AOX1: variants seen among roughly 807,000 people sequenced by gnomAD.
AOX1 encodes aldehyde oxidase.
AOX1 carries 153 observed loss-of-function variants against 169.5 expected under a neutral mutation model. The ratio of observed to expected loss-of-function variants is 0.90; its 90% CI spans 0.79 to 1.03. The LOEUF (loss-of-function observed/expected upper bound fraction) is 1.03. Among genes scored for constraint, AOX1 ranks in the 50% least tolerant of loss-of-function variants. The pLI is 0.00. For synonymous variants in AOX1, 562 were observed against 581.9 expected, an observed-to-expected ratio of 0.97 and a Z score of 0.49; for missense variants, 1,656 against 1,663.9, an observed-to-expected ratio of 1.00 and a Z score of 0.08.
At chr2:200,616,828 T>C (rs926268371) in intron 16 of AOX1, among the ~76,000 whole-genome samples, 4 of 152,250 alleles carry the variant, frequency 2.6e-5, no homozygotes, top group Non-Finnish European at 5.9e-5. Flanking sequence ...AAAGCATTTG[T>C]TCACTGAAAC....
At chr2:200,630,262 C>CCTGTA (rs989806981) in intron 20 of AOX1, among the ~76,000 whole-genome samples, 1 of 148,582 alleles carries the variant, frequency 6.7e-6, no homozygotes, top group African/African-American at 2.5e-5. Flanking sequence ...GTGGCTCTTG[C>CCTGTA]CTGTAATCCC....
chr2:200,620,928 C>A, intron 17 of AOX1, 109 bp downstream of exon 17: 1 of 1,326,216 alleles, frequency 7.5e-7, no homozygotes, highest in Non-Finnish European at 1.0e-6. Context: ...TGGTGATATC[C>A]AATGCAGACC....
intron 25 of AOX1, among the ~76,000 whole-genome samples, chr2:200,648,305 CT>C (rs1476408274): frequency 1.6e-4 from 25 of 152,230 alleles, no homozygotes; most frequent in African/African-American, 5.8e-4. Context: ...TACTCTCCCC[CT>C]TTCCCTATGG....
intron 27 of AOX1, among the ~76,000 whole-genome samples, chr2:200,657,165 A>AAAAT (rs1179205121): frequency 1.1e-5 from 1 of 88,408 alleles, no homozygotes; most frequent in Non-Finnish European, 2.0e-5. Flanking sequence ...CTCTACCAAA[A>AAAAT]ATATATATAT....
chr2:200,614,504 A>G (rs2105713674), intron 15 of AOX1, among the ~76,000 whole-genome samples: 1 of 152,322 alleles, frequency 6.6e-6, no homozygotes, highest in Non-Finnish European at 1.5e-5. Context: ...GTGACAATCC[A>G]TGCATTCTTT....
chr2:200,636,943 T>C lies in AOX1; in HGVS notation c.2379T>C (p.Ala793=). ...DIVASTLKLP[A]NKVMCHVRRV... ...TTGCCTCAACCTTGAAGCTCCCAGC[T>C]AACAAGGTCATGTGCCATGTAAGGC... The change falls in exon 22 of 35, where the codon GCT becomes GCC. Residue 793 remains alanine (A), a synonymous_variant. Coordinates refer to ENST00000374700, the MANE Select transcript of AOX1 (RefSeq NM_001159.4). The C allele has an allele frequency of 6.2e-7, 1 of 1,614,126 alleles. No homozygotes were observed. The highest frequency in any genetic ancestry group is 2.2e-5 in the East Asian group (1 of 44,868).
At chr2:200,623,819 A>G (rs762713477) in intron 18 of AOX1, 42 bp from the exon 19 acceptor site, 2 of 1,611,850 alleles carry the variant, frequency 1.2e-6, no homozygotes, top group Middle Eastern at 2.1e-4. Flanking sequence ...AGAGGACCTG[A>G]TGCCTGCCCT....
At chr2:200,593,354 C>G in intron 2 of AOX1, 151 bp downstream of exon 2, 2 of 685,710 alleles carry the variant, frequency 2.9e-6, no homozygotes, top group Non-Finnish European at 2.4e-6. Flanking sequence ...AAAGTCCTAT[C>G]ATTTTATAGG....
chr2:200,654,709 A>G (rs1483134541), intron 26 of AOX1, among the ~76,000 whole-genome samples: 1 of 152,220 alleles, frequency 6.6e-6, no homozygotes, highest in South Asian at 2.1e-4. Context: ...CTTCTCATCG[A>G]TACCAGTAGT....
chr2:200,602,258 A>G (rs1325620458), intron 5 of AOX1, 26 bp from the exon 6 acceptor site: 3 of 1,611,592 alleles, frequency 1.9e-6, no homozygotes, highest in Non-Finnish European at 2.5e-6. Context: ...TCACTTGGCT[A>G]ACAGAGCTGG....
chr2:200,659,026 T>C, intron 27 of AOX1, 139 bp from the exon 28 acceptor site: 1 of 700,488 alleles, frequency 1.4e-6, no homozygotes, highest in Non-Finnish European at 2.2e-6. Flanking sequence ...AAACTTTTCA[T>C]GGCTGGAGGA....
chr2:200,648,637 G>A (rs1408654722), intron 25 of AOX1, among the ~76,000 whole-genome samples: 1 of 152,128 alleles, frequency 6.6e-6, no homozygotes, highest in Non-Finnish European at 1.5e-5. Flanking sequence ...CGGTGGGCAG[G>A]GCCCTAGAAC....
intron 28 of AOX1, 39 bp downstream of exon 28, chr2:200,659,332 C>A: frequency 6.3e-7 from 1 of 1,595,692 alleles, no homozygotes; most frequent in Non-Finnish European, 8.5e-7. Flanking sequence ...CATTAACTCC[C>A]TCAGGGCCAA....
At chr2:200,645,317 T>C (rs2035429864) in intron 25 of AOX1, among the ~76,000 whole-genome samples, 1 of 152,178 alleles carries the variant, frequency 6.6e-6, no homozygotes, top group Non-Finnish European at 1.5e-5. Flanking sequence ...TTTTTCTGCA[T>C]TGAGATGATC....
chr2:200,631,859 G>A (rs1574937751), intron 20 of AOX1, among the ~76,000 whole-genome samples: 1 of 152,094 alleles, frequency 6.6e-6, no homozygotes, highest in African/African-American at 2.4e-5. Flanking sequence ...ACAATGACAT[G>A]GGTCTTTAGA....
intron 27 of AOX1, among the ~76,000 whole-genome samples, chr2:200,658,742 G>T (rs1021891675): frequency 6.6e-6 from 1 of 151,916 alleles, no homozygotes; most frequent in Non-Finnish European, 1.5e-5. Context: ...CTCATAGGAA[G>T]CACTCTTTCC....
downstream of AOX1, among the ~76,000 whole-genome samples, chr2:200,675,617 G>A (rs2036083853): frequency 6.6e-6 from 1 of 152,082 alleles, no homozygotes; most frequent in Non-Finnish European, 1.5e-5. Context: ...ATGTCCAAAG[G>A]TGAAGTCCAA....
intron 26 of AOX1, among the ~76,000 whole-genome samples, chr2:200,655,447 A>T (rs2035663722): frequency 6.6e-6 from 1 of 152,178 alleles, no homozygotes; most frequent in Non-Finnish European, 1.5e-5. Flanking sequence ...TCCAGGAGTC[A>T]TGAGTCAATA....
intron 26 of AOX1, among the ~76,000 whole-genome samples, chr2:200,655,751 C>T (rs1169538043): frequency 6.6e-6 from 1 of 152,140 alleles, no homozygotes; most frequent in Admixed American, 6.5e-5. Context: ...AATAAAGAGA[C>T]AGTTCTCCAA....
Sources: allele counts gnomAD v4.1 joint callset (sites outside exome capture counted in the v4.1 genomes callset), GRCh38; gene constraint gnomAD v4.1.1; transcripts MANE v1.5; gene names NCBI Gene and HGNC (gene_info 2026-07-23, HGNC 2026-07-21).